Variants in SSBP2 observed in about 807,000 individuals in gnomAD.
SSBP2 encodes single-stranded DNA-binding protein 2.
A neutral mutation model predicts 61.8 loss-of-function variants in SSBP2; 17 were observed. The observed-to-expected ratio is 0.28, with a 90% CI of 0.19 to 0.41. The LOEUF (loss-of-function observed/expected upper bound fraction) is 0.41. Among genes scored for constraint, SSBP2 ranks in the 10% least tolerant of loss-of-function variants. SSBP2 has a pLI of 1.00. For synonymous variants in SSBP2, 139 were observed against 141.3 expected, an observed-to-expected ratio of 0.98 and a Z score of 0.12; for missense variants, 310 against 458.7, an observed-to-expected ratio of 0.68 and a Z score of 2.96.
chr5:81,636,508 T>C (rs1237865570), intron 3 of SSBP2, 49 bp downstream of exon 3: 1 of 1,429,410 alleles, frequency 7.0e-7, no homozygotes. Flanking sequence ...AGTACAGGCC[T>C]ATTGAAATGC....
rs959011149 is a variant in SSBP2, at chr5:81,416,397, T to G, written c.*4107A>C. 8 of 152,134 alleles carry G rather than the reference T, an allele frequency of 5.3e-5. No homozygotes were observed. Among genetic ancestry groups the G allele is most frequent in the Admixed American group, 3.9e-4 (6 of 15,264 alleles). 9.4% of individuals were successfully genotyped at this position (152,134 alleles called of 1,614,324 possible). ...AAACTACTCTTAGTACTATACACTA[T>G]ATGCAGATGAAAATGGTAAGGGCTG... On this transcript the variant is annotated 3_prime_UTR_variant, in exon 17 of 17. Coordinates refer to ENST00000320672, the MANE Select transcript of SSBP2 (RefSeq NM_012446.5).
At chr5:81,473,132 G>C (rs1015198161) in intron 8 of SSBP2, among the ~76,000 whole-genome samples, 1 of 152,158 alleles carries the variant, frequency 6.6e-6, no homozygotes, top group African/African-American at 2.4e-5. Context: ...AGTCTGTAAT[G>C]CATATTCTCA....
At chr5:81,693,202 TAAA>T (rs34403567) in intron 1 of SSBP2, among the ~76,000 whole-genome samples, 14 of 116,112 alleles carry the variant, frequency 1.2e-4, no homozygotes, top group Admixed American at 3.7e-4. Flanking sequence ...GACTTTGTCT[TAAA>T]AAAAAAAAAA....
chr5:81,458,810 C>G (rs1366199948), intron 10 of SSBP2, among the ~76,000 whole-genome samples: 2 of 152,084 alleles, frequency 1.3e-5, no homozygotes, highest in Non-Finnish European at 1.5e-5. Flanking sequence ...CATAGAAGCC[C>G]TAGGTCTTTG....
chr5:81,675,094 C>G (rs1459669962), intron 1 of SSBP2, among the ~76,000 whole-genome samples: 1 of 152,106 alleles, frequency 6.6e-6, no homozygotes, highest in Non-Finnish European at 1.5e-5. Context: ...AAGCACAGAG[C>G]CTTAATAAGG....
In SSBP2 at chr5:81,536,995, C is replaced by T. The variant is rs553002833; in HGVS notation, c.283-23278G>A. On this transcript the variant is annotated intron_variant, in intron 4 of 16. Coordinates refer to ENST00000320672, the MANE Select transcript of SSBP2 (RefSeq NM_012446.5). ...CTCCAGCTTGGGCAACAGAGCAAGA[C>T]TCTGTCTCAAAAAAAAAAAAAATTG... Among the ~76,000 whole-genome samples, 22 of 108,918 alleles carry T rather than the reference C, an allele frequency of 2.0e-4. No homozygotes were observed. In the East Asian group the frequency reaches 3.8e-3, roughly 19 times the overall value. 71.5% of individuals were successfully genotyped at this position (108,918 alleles called of 152,430 possible).
At chr5:81,694,821 T>A (rs993613575) in intron 1 of SSBP2, among the ~76,000 whole-genome samples, 30 of 151,962 alleles carry the variant, frequency 2.0e-4, no homozygotes, top group South Asian at 8.3e-4. Flanking sequence ...CAAAAAAAAA[T>A]TTTTTTAACT....
At chr5:81,552,863 C>G (rs1397405024) in intron 4 of SSBP2, among the ~76,000 whole-genome samples, 1 of 150,118 alleles carries the variant, frequency 6.7e-6, no homozygotes, top group Non-Finnish European at 1.5e-5. Context: ...TTTATAAATT[C>G]TTCTTCATCC....
intron 4 of SSBP2, among the ~76,000 whole-genome samples, chr5:81,554,410 G>A (rs907395555): frequency 7.9e-5 from 12 of 150,988 alleles, no homozygotes; most frequent in Non-Finnish European, 1.5e-4. Context: ...TAATGCACAA[G>A]TATGTACAAT....
intron 4 of SSBP2, among the ~76,000 whole-genome samples, chr5:81,516,061 A>G (rs1256853369): frequency 6.6e-6 from 1 of 151,994 alleles, no homozygotes; most frequent in Non-Finnish European, 1.5e-5. Flanking sequence ...AAAACAAACA[A>G]AATATATTTA....
chr5:81,470,172 C>T (rs1765158586), intron 8 of SSBP2, among the ~76,000 whole-genome samples: 1 of 151,546 alleles, frequency 6.6e-6, no homozygotes, highest in African/African-American at 2.4e-5. Context: ...CTTCTTTATC[C>T]TTCAGATTTC....
chr5:81,420,563 C>T, intron 16 of SSBP2, 30 bp from the exon 17 acceptor site: 1 of 1,598,082 alleles, frequency 6.3e-7, no homozygotes, highest in Admixed American at 1.7e-5. Context: ...CATATTTTAA[C>T]AACAATTCTT....
In SSBP2 at chr5:81,749,588, G is replaced by A. The variant is rs185551286; in HGVS notation, c.62+1393C>T. ...GGTCTGAACCCCCTCAGAAAGACAG[G>A]GTGCGTTCAACGACAAGGATAACTC... On this transcript the variant is annotated intron_variant, in intron 1 of 16. Coordinates refer to ENST00000320672, the MANE Select transcript of SSBP2 (RefSeq NM_012446.5). Among the ~76,000 whole-genome samples the A allele has an allele frequency of 7.2e-5, 11 of 152,130 alleles. No homozygotes were observed. In the East Asian group the frequency reaches 1.4e-3, roughly 19 times the overall value.
chr5:81,696,951 G>C (rs548295150), intron 1 of SSBP2, among the ~76,000 whole-genome samples: 2 of 152,228 alleles, frequency 1.3e-5, no homozygotes, highest in African/African-American at 4.8e-5. Flanking sequence ...TTGGGCACAG[G>C]GAGAAGTCCA....
intron 4 of SSBP2, among the ~76,000 whole-genome samples, chr5:81,560,046 T>C (rs1772926055): frequency 6.6e-6 from 1 of 152,298 alleles, no homozygotes; most frequent in South Asian, 2.1e-4. Context: ...AAAAATATGA[T>C]TGCTTCCCCA....
intron 1 of SSBP2, 57 bp downstream of exon 1, chr5:81,750,924 G>A: frequency 1.3e-6 from 2 of 1,531,092 alleles, no homozygotes; most frequent in East Asian, 4.9e-5. Flanking sequence ...GTGCGAGTGC[G>A]TGCGTGAGTG....
chr5:81,516,679 G>T (rs1474557135), intron 4 of SSBP2, among the ~76,000 whole-genome samples: 1 of 152,006 alleles, frequency 6.6e-6, no homozygotes, highest in African/African-American at 2.4e-5. Flanking sequence ...CGCTATAGAG[G>T]TACACTAAAT....
At chr5:81,732,838 C>G (rs1756357094) in intron 1 of SSBP2, among the ~76,000 whole-genome samples, 1 of 152,206 alleles carries the variant, frequency 6.6e-6, no homozygotes, top group Non-Finnish European at 1.5e-5. Flanking sequence ...CCACCACCCC[C>G]CGCCTTCTAG....
At chr5:81,672,123 TTA>T (rs1751621393) in intron 1 of SSBP2, among the ~76,000 whole-genome samples, 1 of 152,138 alleles carries the variant, frequency 6.6e-6, no homozygotes, top group South Asian at 2.1e-4. Context: ...CAACTTATAT[TTA>T]TAGTGTTTTA....
Sources: gnomAD v4.1 joint callset for allele counts (sites outside exome capture counted in the v4.1 genomes callset) on GRCh38, gnomAD v4.1.1 for gene constraint, MANE v1.5 for transcripts, NCBI Gene and HGNC (gene_info 2026-07-23, HGNC 2026-07-21) for gene names.